The following SDK1 variants were observed in gnomAD, a reference collection of about 807,000 sequenced individuals.
SDK1 encodes sidekick cell adhesion molecule 1.
Under a neutral mutation model 245.5 loss-of-function variants are expected in SDK1, and 157 were observed. The observed-to-expected ratio is 0.64, with a 90% confidence interval of 0.56 to 0.73. The LOEUF is 0.73. Ranked by LOEUF, SDK1 falls within the 30% of genes least tolerant of loss-of-function variation. SDK1 has a pLI of 0.00. For synonymous variants in SDK1, 1,647 were observed against 1,278.5 expected (o/e 1.29, Z -6.15); for missense variants, 3,583 against 3,002.3 (o/e 1.19, Z -4.52).
At chr7:3,391,394 G>C (rs538843260) in intron 1 of SDK1, among the ~76,000 whole-genome samples, 111 of 152,244 alleles carry the variant, frequency 7.3e-4, no homozygotes, top group African/African-American at 2.5e-3. Context: ...AGCATTGCTG[G>C]AAGTAAAAGG....
rs549866376 is a variant in SDK1, at chr7:3,722,685, C to G, written c.713+80580C>G. 2.1e-4 allele frequency among the ~76,000 whole-genome samples: 32 copies of G among 152,338 alleles called. 3 individuals carry two copies. Among genetic ancestry groups the G allele is most frequent in the African/African-American group, 7.7e-4 (32 of 41,572 alleles). On this transcript the variant is annotated intron_variant, in intron 4 of 44. Transcript: ENST00000404826. Reference sequence around the variant, plus strand: ...CATCCTGTAGCCACCACATGGTGCCCAGACAGCTGCAGGCTGAACTCAAGT... The same window carrying G: ...CATCCTGTAGCCACCACATGGTGCCGAGACAGCTGCAGGCTGAACTCAAGT...
intron 1 of SDK1, among the ~76,000 whole-genome samples, chr7:3,552,660 C>T (rs745550396): frequency 6.6e-6 from 1 of 152,128 alleles, no homozygotes; most frequent in Non-Finnish European, 1.5e-5. Flanking sequence ...AAGATCTTAC[C>T]TTATTCATGG....
At chr7:3,444,033 T>C (rs966807408) in intron 1 of SDK1, among the ~76,000 whole-genome samples, 20 of 152,248 alleles carry the variant, frequency 1.3e-4, no homozygotes, top group Non-Finnish European at 4.4e-5. Flanking sequence ...GAGGCGGTTG[T>C]GCAGCCTTCC....
chr7:3,485,734 G>C (rs1781674513), intron 1 of SDK1, among the ~76,000 whole-genome samples: 1 of 86,004 alleles, frequency 1.2e-5, no homozygotes, highest in Non-Finnish European at 2.2e-5. Context: ...TTTCTCTCTG[G>C]TAATTTTTAA....
At chr7:3,939,081 AC>A (rs1780264223) in intron 5 of SDK1, among the ~76,000 whole-genome samples, 1 of 152,184 alleles carries the variant, frequency 6.6e-6, no homozygotes, top group Non-Finnish European at 1.5e-5. Context: ...GGGATATACG[AC>A]CGTATTTCCT....
At chr7:3,323,332 T>A (rs976679239) in intron 1 of SDK1, among the ~76,000 whole-genome samples, 1 of 152,240 alleles carries the variant, frequency 6.6e-6, no homozygotes, top group African/African-American at 2.4e-5. Context: ...ATATGTTGTA[T>A]AATTCTTTTT....
chr7:4,155,874 A>G (rs954333413), intron 30 of SDK1, among the ~76,000 whole-genome samples: 4 of 152,174 alleles, frequency 2.6e-5, no homozygotes, highest in Non-Finnish European at 5.9e-5. Context: ...GTAAAGACAG[A>G]TAGTCGTCAA....
At chr7:3,479,188 G>T (rs1781434447) in intron 1 of SDK1, among the ~76,000 whole-genome samples, 1 of 152,092 alleles carries the variant, frequency 6.6e-6, no homozygotes, top group South Asian at 2.1e-4. Flanking sequence ...TTGGGAGGCT[G>T]AGGAGGGCGG....
At chr7:3,622,048 T>C (rs1001241360) in intron 2 of SDK1, among the ~76,000 whole-genome samples, 4 of 152,184 alleles carry the variant, frequency 2.6e-5, no homozygotes, top group African/African-American at 9.7e-5. Flanking sequence ...GGAGCATGCT[T>C]AATATAGGCT....
chr7:4,226,887 A>G (rs1038396444), intron 40 of SDK1, among the ~76,000 whole-genome samples: 2 of 152,230 alleles, frequency 1.3e-5, no homozygotes, highest in Non-Finnish European at 2.9e-5. Flanking sequence ...CAAAGCAGCC[A>G]TGAAATACAT....
intron 1 of SDK1, among the ~76,000 whole-genome samples, chr7:3,425,594 A>G (rs1262441757): frequency 1.3e-5 from 2 of 152,256 alleles, no homozygotes; most frequent in Non-Finnish European, 2.9e-5. Context: ...ATATAGTGGA[A>G]ATCTCATTAA....
At chr7:3,535,051 A>G (rs1256214926) in intron 1 of SDK1, among the ~76,000 whole-genome samples, 1 of 152,160 alleles carries the variant, frequency 6.6e-6, no homozygotes, top group Non-Finnish European at 1.5e-5. Flanking sequence ...AGGTGGGCGG[A>G]TCACCTGAGG....
chr7:3,647,187 G>A (rs1477515717), intron 4 of SDK1, among the ~76,000 whole-genome samples: 10 of 152,246 alleles, frequency 6.6e-5, no homozygotes, highest in Admixed American at 6.5e-4. Context: ...GTAGCTTGAA[G>A]CTGCAGTGAG....
intron 5 of SDK1, among the ~76,000 whole-genome samples, chr7:3,931,008 A>G (rs558183065): frequency 6.6e-6 from 1 of 152,326 alleles, no homozygotes; most frequent in East Asian, 1.9e-4. Flanking sequence ...ATTTATGTAA[A>G]TAATAGCAGA....
intron 1 of SDK1, among the ~76,000 whole-genome samples, chr7:3,439,450 C>T (rs532856812): frequency 6.6e-6 from 1 of 152,204 alleles, no homozygotes; most frequent in African/African-American, 2.4e-5. Context: ...TAGATTGTTT[C>T]GGGTTTGGTC....
rs566055498 is a variant in SDK1, at chr7:3,745,995, A to T, written c.714-75455A>T. On this transcript the variant is annotated intron_variant, in intron 4 of 44. Coordinates refer to ENST00000404826, the MANE Select transcript of SDK1 (RefSeq NM_152744.4). ...CTGGGAAATCACTTAACCTCTCTGT[A>T]GAGGTTTCCCTCATCTGTAAAGCAG... 6.6e-5 allele frequency among the ~76,000 whole-genome samples: 10 copies of T among 152,326 alleles called. No homozygotes were observed. The South Asian group carries it at 2.1e-3, about 32-fold the overall frequency.
chr7:3,896,667 T>C (rs1194400384), intron 5 of SDK1, among the ~76,000 whole-genome samples: 1 of 152,324 alleles, frequency 6.6e-6, no homozygotes, highest in East Asian at 1.9e-4. Flanking sequence ...CAGGAATCAC[T>C]GTCCCGTGCT....
intron 4 of SDK1, among the ~76,000 whole-genome samples, chr7:3,651,402 G>A (rs1583272411): frequency 2.6e-5 from 4 of 152,324 alleles, no homozygotes; most frequent in Admixed American, 2.6e-4. Flanking sequence ...ACTTCTTGTT[G>A]TGAGAAATGT....
chr7:3,809,942 T>A (rs1583437367), intron 4 of SDK1, among the ~76,000 whole-genome samples: 1 of 152,340 alleles, frequency 6.6e-6, no homozygotes, highest in East Asian at 1.9e-4. Flanking sequence ...GGCCAACGCT[T>A]CTCTGCAGAG....
Sources: allele counts gnomAD v4.1 joint callset (sites outside exome capture counted in the v4.1 genomes callset), GRCh38; gene constraint gnomAD v4.1.1; transcripts MANE v1.5; gene names NCBI Gene and HGNC (gene_info 2026-07-23, HGNC 2026-07-21).